Variants in ADAMTS9 observed in about 807,000 individuals in gnomAD.
ADAMTS9 encodes the protein A disintegrin and metalloproteinase with thrombospondin motifs 9.
ADAMTS9 carries 107 observed loss-of-function variants against 257.1 expected under a neutral mutation model. That is an observed-to-expected ratio of 0.42 (90% CI 0.36 to 0.49). ADAMTS9 has a LOEUF of 0.49. Among genes scored for constraint, ADAMTS9 ranks in the 20% least tolerant of loss-of-function variants. The probability of loss-of-function intolerance (pLI) is 0.03; values close to 1 mark genes in which losing one functional copy is unlikely to be tolerated. For synonymous variants in ADAMTS9, 982 were observed against 880.9 expected (o/e 1.11, Z -2.03); for missense variants, 2,353 against 2,469.1 (o/e 0.95, Z 1.00).
At chr3:64,535,722 T>A (rs751720235) in intron 37 of ADAMTS9, among the ~76,000 whole-genome samples, 1 of 151,792 alleles carries the variant, frequency 6.6e-6, no homozygotes, top group Non-Finnish European at 1.5e-5. Flanking sequence ...CCCAGCTAAT[T>A]TTTATTTTGG....
At chr3:64,572,845 C>T (rs571045499) in intron 28 of ADAMTS9, among the ~76,000 whole-genome samples, 4 of 151,640 alleles carry the variant, frequency 2.6e-5, no homozygotes, top group African/African-American at 4.8e-5. Flanking sequence ...TTTGGGAGGC[C>T]GAGGCAGGCG....
At chr3:64,652,044 T>C (rs376162579) in intron 8 of ADAMTS9, among the ~76,000 whole-genome samples, 34 of 152,332 alleles carry the variant, frequency 2.2e-4, no homozygotes, top group African/African-American at 8.2e-4. Flanking sequence ...GTGACCCACA[T>C]GCCATTCTCA....
intron 27 of ADAMTS9, among the ~76,000 whole-genome samples, chr3:64,596,555 A>AT (rs910643569): frequency 1.3e-5 from 2 of 152,146 alleles, no homozygotes; most frequent in Non-Finnish European, 2.9e-5. Flanking sequence ...AAAAGCATCT[A>AT]TTTTTTAATC....
chr3:64,594,332 G>A lies in ADAMTS9; in HGVS notation c.4282C>T (p.Pro1428Ser). The change falls in exon 28 of 40, where the codon CCT becomes TCT. Residue 1428 changes from proline (P) to serine (S), a missense_variant. Transcript: ENST00000498707. ...GTGTTACACTGCTCACGATCGGGAG[G>A]TTTATCAAGAATTTCACAGCTCAAA... Reference protein sequence around the residue: ...PDLSCEILDKPPDREQCNTHA... With the variant: ...PDLSCEILDKSPDREQCNTHA... 1 of 1,613,666 alleles carries A rather than the reference G, an allele frequency of 6.2e-7. No homozygotes were observed. The highest frequency in any genetic ancestry group is 1.3e-5 in the African/African-American group (1 of 74,890).
intron 11 of ADAMTS9, among the ~76,000 whole-genome samples, chr3:64,643,252 A>G (rs1321375099): frequency 1.3e-5 from 2 of 152,166 alleles, no homozygotes; most frequent in Non-Finnish European, 2.9e-5. Context: ...ATAAAAATAA[A>G]TGAACAGATG....
At position 64,568,764 on chromosome 3, in the gene ADAMTS9, C is replaced by T. The variant is rs374701540; in HGVS notation, c.4357-229G>A. On this transcript the variant is annotated intron_variant, in intron 28 of 39. Coordinates refer to ENST00000498707, the MANE Select transcript of ADAMTS9 (RefSeq NM_182920.2). ...GCAATCCTGTGTGGCATTTTTGGCT[C>T]ACTCAAGAGTGTGGGTAAATCCTGA... The T allele has an allele frequency of 1.3e-4, 58 of 459,678 alleles. 1 individual carries two copies. The South Asian group carries it at 1.7e-3, about 13-fold the overall frequency. 28.5% of individuals were successfully genotyped at this position (459,678 alleles called of 1,614,324 possible).
intron 16 of ADAMTS9, among the ~76,000 whole-genome samples, chr3:64,623,476 G>A (rs1051165302): frequency 6.6e-6 from 1 of 152,106 alleles, no homozygotes; most frequent in Admixed American, 6.6e-5. Context: ...ATTCCTAACT[G>A]CCATCTTGAC....
intron 26 of ADAMTS9, among the ~76,000 whole-genome samples, chr3:64,600,928 C>G (rs2084447914): frequency 6.6e-6 from 1 of 152,118 alleles, no homozygotes; most frequent in Non-Finnish European, 1.5e-5. Context: ...TAGAAGGAAA[C>G]TAATAGTAAA....
chr3:64,552,277 C>G (rs1486252218), intron 30 of ADAMTS9, among the ~76,000 whole-genome samples: 1 of 152,174 alleles, frequency 6.6e-6, no homozygotes, highest in African/African-American at 2.4e-5. Flanking sequence ...AGGATAATCT[C>G]TATGTCCACA....
chr3:64,631,720 C>T, intron 15 of ADAMTS9, 88 bp downstream of exon 15: 1 of 1,297,990 alleles, frequency 7.7e-7, no homozygotes, highest in African/African-American at 1.5e-5. Context: ...TTATGCTCGA[C>T]ATTAATATTT....
At chr3:64,674,573 A>G (rs1701578630) in intron 3 of ADAMTS9, among the ~76,000 whole-genome samples, 2 of 152,210 alleles carry the variant, frequency 1.3e-5, no homozygotes, top group Admixed American at 1.3e-4. Context: ...AGTTCCTTAA[A>G]TGCTGCCTGT....
chr3:64,649,729 G>C lies in ADAMTS9; in HGVS notation c.1513C>G (p.Pro505Ala), dbSNP rs749701568. 1.2e-6 allele frequency: 2 copies of C among 1,613,842 alleles called. No homozygotes were observed. Among genetic ancestry groups the C allele is most frequent in the Non-Finnish European group, 8.5e-7 (1 of 1,179,980 alleles). ...ATGCCTGGCAGTTGGACAGGCAAAG[G>C]GTAGGGTCTGGATTCAGGTTCGTTA... ...LLNEPESRPYPLPVQLPGILY... is the reference protein window; with the variant it reads ...LLNEPESRPYALPVQLPGILY... Residue 505 changes from proline to alanine, a missense_variant, in exon 10 of 40, where the codon CCT (proline) becomes GCT (alanine). Coordinates refer to ENST00000498707, the MANE Select transcript of ADAMTS9 (RefSeq NM_182920.2).
intron 37 of ADAMTS9, among the ~76,000 whole-genome samples, chr3:64,533,543 G>C (rs2106894531): frequency 6.6e-6 from 1 of 152,326 alleles, no homozygotes; most frequent in South Asian, 2.1e-4. Context: ...ACTTCTCCAG[G>C]ATACGGTAGG....
In ADAMTS9 at chr3:64,681,372, GAAGA is replaced by G; in HGVS notation, c.517-13_517-10del. On this transcript the variant is annotated splice_polypyrimidine_tract_variant and intron_variant, in intron 2 of 39. Transcript: ENST00000498707. ...GACCGGAATGTGCCCAGCTGCAAATGAAGAGAGATGGGAGGTTGATTTAACGTAA... is the reference window on the plus strand; with the variant it reads ...GACCGGAATGTGCCCAGCTGCAAATGGAGATGGGAGGTTGATTTAACGTAA... 6.2e-7 allele frequency: 1 copy of G among 1,606,472 alleles called. No individual in the cohort carries two copies. Among genetic ancestry groups the G allele is most frequent in the Non-Finnish European group, 8.5e-7 (1 of 1,176,794 alleles).
chr3:64,619,700 A>G (rs1700058444), intron 19 of ADAMTS9, among the ~76,000 whole-genome samples: 1 of 152,188 alleles, frequency 6.6e-6, no homozygotes, highest in South Asian at 2.1e-4. Flanking sequence ...AGTTCTTAGT[A>G]AATGGTTGAC....
At chr3:64,628,298 A>AT (rs1208554201) in intron 16 of ADAMTS9, among the ~76,000 whole-genome samples, 21 of 152,360 alleles carry the variant, frequency 1.4e-4, no homozygotes, top group Admixed American at 3.3e-4. Context: ...ATGTGCATTG[A>AT]TTAAGTTGAC....
intron 3 of ADAMTS9, 109 bp from the exon 4 acceptor site, chr3:64,658,900 A>C: frequency 8.4e-7 from 1 of 1,193,240 alleles, no homozygotes; most frequent in Non-Finnish European, 1.2e-6. Flanking sequence ...AACTACATAC[A>C]AAAACAAGTC....
Position 64,613,350 on chromosome 3 carries a change from C to T in ADAMTS9, c.3349G>A (p.Gly1117Arg), listed in dbSNP as rs773001688. The T allele has an allele frequency of 1.4e-5, 22 of 1,613,274 alleles. No individual in the cohort carries two copies. Among genetic ancestry groups the T allele is most frequent in the Admixed American group, 1.2e-4 (7 of 59,924 alleles). ...ECASWQAGPW[G>R]QCSVTCGQGY... ...AATCTTATCGTTCAAAATACCTGTC[C>T]CCAGGGACCCGCCTGCCAGGATGCA... is the stretch of plus-strand genomic sequence containing the variant. The change falls in exon 22 of 40, where the codon GGA (glycine) becomes AGA (arginine). Residue 1117 changes from glycine to arginine, a missense_variant. By Grantham distance (125) the Gly-to-Arg change is moderately radical. Around this residue, in one of 3 missense-constraint regions of ADAMTS9, gnomAD observed 1,402 missense variants for 1,441.4 expected, o/e 0.97. Coordinates refer to ENST00000498707, the MANE Select transcript of ADAMTS9 (RefSeq NM_182920.2).
In ADAMTS9 at chr3:64,687,573, C is replaced by T. The variant is rs543301005; in HGVS notation, c.85G>A (p.Val29Met). ...CTCGGGTGCAGCCTGTCCTTGCGCACGGCCGCCGCGGCGTCTGGGCTCCCC... is the reference window on the plus strand; with the variant it reads ...CTCGGGTGCAGCCTGTCCTTGCGCATGGCCGCCGCGGCGTCTGGGCTCCCC... ...EMGSPDAAAA[V>M]RKDRLHPRQV... Residue 29 changes from valine (V) to methionine (M), a missense_variant, in exon 1 of 40, where the codon GTG (valine) becomes ATG (methionine). Physicochemically the swap from Val to Met is conservative, Grantham distance 21. Around this residue, in one of 3 missense-constraint regions of ADAMTS9, gnomAD observed 591 missense variants for 569.6 expected, o/e 1.04. Transcript: ENST00000498707. This position sits in a 1 kb window ranked among gnomAD's most constrained non-coding sequence, Gnocchi z 4.4. 14 of 1,567,144 alleles carry T rather than the reference C, an allele frequency of 8.9e-6. No individual in the cohort carries two copies. The African/African-American group carries it at 1.5e-4, about 17-fold the overall frequency.
Sources: allele counts gnomAD v4.1 joint callset (sites outside exome capture counted in the v4.1 genomes callset), GRCh38; gene constraint gnomAD v4.1.1; regional missense constraint gnomAD v4.1.1; non-coding constraint Gnocchi (gnomAD v3.1); transcripts MANE v1.5; gene names NCBI Gene and HGNC (gene_info 2026-07-23, HGNC 2026-07-21).